The following PRDM16 variants were observed in gnomAD, a reference collection of about 807,000 sequenced individuals.
PRDM16 encodes the protein PR/SET domain 16, also known as histone-lysine N-methyltransferase PRDM16.
In PRDM16, 23 loss-of-function variants were observed where a neutral mutation model predicts 110.6. That is an observed-to-expected ratio of 0.21 (90% confidence interval 0.15 to 0.29). The LOEUF (loss-of-function observed/expected upper bound fraction) is 0.29. PRDM16 is among the 10% of genes least tolerant of loss of function. The pLI, the probability that PRDM16 is intolerant of heterozygous loss-of-function variation, is 1.00. For synonymous variants in PRDM16, 799 were observed against 781.8 expected (o/e 1.02, Z -0.37); for missense variants, 1,615 against 1,794.3 (o/e 0.90, Z 1.81).
intron 3 of PRDM16, among the ~76,000 whole-genome samples, chr1:3,341,646 G>A (rs1642274777): frequency 6.6e-6 from 1 of 152,232 alleles, no homozygotes; most frequent in Admixed American, 6.5e-5. Flanking sequence ...GTGGAGAAGT[G>A]ATCATAATAA....
intron 1 of PRDM16, among the ~76,000 whole-genome samples, chr1:3,086,243 G>T (rs574044519): frequency 6.6e-6 from 1 of 152,122 alleles, no homozygotes; most frequent in Non-Finnish European, 1.5e-5. Flanking sequence ...TGCTTGCCTG[G>T]CTGTGACAGC....
intron 1 of PRDM16, among the ~76,000 whole-genome samples, chr1:3,075,021 G>C (rs1456744402): frequency 6.6e-6 from 1 of 152,272 alleles, no homozygotes; most frequent in East Asian, 1.9e-4. Flanking sequence ...CAGGGGAGGA[G>C]TGGCCTCTCC....
At chr1:3,405,233 C>A (rs1643540296) in intron 7 of PRDM16, among the ~76,000 whole-genome samples, 1 of 152,228 alleles carries the variant, frequency 6.6e-6, no homozygotes, top group Non-Finnish European at 1.5e-5. Flanking sequence ...GCTGAAAACG[C>A]TTTCTGCAGC....
intron 2 of PRDM16, among the ~76,000 whole-genome samples, chr1:3,220,144 G>T (rs893992190): frequency 1.2e-4 from 19 of 152,090 alleles, no homozygotes; most frequent in Non-Finnish European, 2.4e-4. Context: ...GCCCACACGC[G>T]CCGGGAGGAA....
rs1016384308 is a variant in PRDM16, at chr1:3,386,239, A to G, written c.573+953A>G. On this transcript the variant is annotated intron_variant, in intron 4 of 16. Coordinates refer to ENST00000270722, the MANE Select transcript of PRDM16 (RefSeq NM_022114.4). ...GGGGTCATACATGAGATTTCATTTG[A>G]AAAAAAAGAAAAGGATCCCATGGCT... 3.0e-5 allele frequency among the ~76,000 whole-genome samples: 4 copies of G among 131,806 alleles called. No individual in the cohort carries two copies. The East Asian group carries it at 1.3e-3, about 41-fold the overall frequency. The allele number at this position is 131,806 out of a possible 152,430, so 86.5% of individuals were successfully genotyped here.
At chr1:3,278,977 G>T (rs72632145) in intron 3 of PRDM16, among the ~76,000 whole-genome samples, 4,061 of 152,330 alleles carry the variant, frequency 0.027, 67 homozygotes, top group Middle Eastern at 0.075. Context: ...GCCGAGCGCG[G>T]CGCTGGCCGT....
chr1:3,160,452 G>A (rs566342218), intron 1 of PRDM16, among the ~76,000 whole-genome samples: 26 of 152,296 alleles, frequency 1.7e-4, no homozygotes, highest in African/African-American at 5.5e-4. Context: ...GGGTGCCACC[G>A]TGACATTGTG....
At chr1:3,405,341 A>G (rs560577830) in intron 7 of PRDM16, among the ~76,000 whole-genome samples, 154 bp from the exon 8 acceptor site, 47 of 152,286 alleles carry the variant, frequency 3.1e-4, no homozygotes, top group African/African-American at 1.1e-3. Flanking sequence ...TCCTTGCTAC[A>G]CAGAGACCTG....
intron 1 of PRDM16, among the ~76,000 whole-genome samples, chr1:3,105,280 C>A (rs1642627801): frequency 6.6e-6 from 1 of 152,214 alleles, no homozygotes; most frequent in African/African-American, 2.4e-5. Flanking sequence ...CCCAGCCCGG[C>A]CTGGTCACAG....
At chr1:3,073,984 G>A (rs541703629) in intron 1 of PRDM16, among the ~76,000 whole-genome samples, 1 of 152,308 alleles carries the variant, frequency 6.6e-6, no homozygotes, top group East Asian at 1.9e-4. Context: ...CCCGCGCCCC[G>A]AGAGACGCGG....
chr1:3,092,642 AG>A (rs1642303883), intron 1 of PRDM16, among the ~76,000 whole-genome samples: 1 of 152,100 alleles, frequency 6.6e-6, no homozygotes, highest in Admixed American at 6.5e-5. Context: ...GGCTCTGTGG[AG>A]GGGTCTGCAC....
In PRDM16 at chr1:3,390,023, G is replaced by A. The variant is rs1405978208; in HGVS notation, c.573+4737G>A. On this transcript the variant is annotated intron_variant, in intron 4 of 16. Coordinates refer to ENST00000270722, the MANE Select transcript of PRDM16 (RefSeq NM_022114.4). This position sits in a 1 kb window ranked among gnomAD's most constrained non-coding sequence, Gnocchi z 5.0. ...TTCAAGACACTCAGATCACCCCTGG[G>A]TGGTTCTTTCTCCTGTAATTATGAA... Among the ~76,000 whole-genome samples the A allele has an allele frequency of 6.8e-6, 1 of 146,986 alleles. No homozygotes were observed. Among genetic ancestry groups the A allele is most frequent in the Admixed American group, 6.9e-5 (1 of 14,428 alleles).
chr1:3,319,828 C>G (rs553884030), intron 3 of PRDM16, among the ~76,000 whole-genome samples: 1 of 152,200 alleles, frequency 6.6e-6, no homozygotes, highest in Non-Finnish European at 1.5e-5. Flanking sequence ...TGGCTTTAGC[C>G]GGCTTCCCCA....
chr1:3,292,651 G>A (rs1355574646), intron 3 of PRDM16, among the ~76,000 whole-genome samples: 4 of 152,230 alleles, frequency 2.6e-5, no homozygotes, highest in African/African-American at 9.6e-5. Flanking sequence ...CTGAAGGGAA[G>A]GGCCAGATAG....
Position 3,411,771 on chromosome 1 carries a change from G to A in PRDM16, c.1574G>A (p.Arg525Gln), listed in dbSNP as rs373011563. The change falls in exon 9 of 17, where the codon CGG becomes CAG. Residue 525 changes from arginine (R) to glutamine (Q), a missense_variant. Transcript: ENST00000270722. ...PGIFPPSLYP[R>Q]PPLLPPTSLL... ...ATCTTCCCTCCATCCTTGTACCCCC[G>A]GCCGCCTCTGCTACCTCCCACATCG... The A allele has an allele frequency of 1.3e-4, 202 of 1,611,412 alleles. No individual in the cohort carries two copies. Among genetic ancestry groups the A allele is most frequent in the East Asian group, 2.2e-4 (10 of 44,850 alleles).
At chr1:3,404,569 C>T (rs747616921) in intron 6 of PRDM16, among the ~76,000 whole-genome samples, 170 bp from the exon 7 acceptor site, 4 of 152,190 alleles carry the variant, frequency 2.6e-5, no homozygotes, top group Non-Finnish European at 5.9e-5. Flanking sequence ...CCTCACAGCC[C>T]GGCCACGGCA....
At chr1:3,071,791 C>T (rs1031935686) in intron 1 of PRDM16, among the ~76,000 whole-genome samples, 13 of 152,132 alleles carry the variant, frequency 8.5e-5, no homozygotes, top group Non-Finnish European at 1.8e-4. Flanking sequence ...TCAGGCTGGG[C>T]ACAGAACAGC....
chr1:3,409,267 G>A (rs1308865235), intron 8 of PRDM16, among the ~76,000 whole-genome samples: 4 of 152,010 alleles, frequency 2.6e-5, no homozygotes, highest in Non-Finnish European at 5.9e-5. Flanking sequence ...GGGTGTGCTT[G>A]TTTGGCCGGC....
chr1:3,318,515 GATT>G (rs1314113288), intron 3 of PRDM16, among the ~76,000 whole-genome samples: 1 of 152,004 alleles, frequency 6.6e-6, no homozygotes, highest in African/African-American at 2.4e-5. Flanking sequence ...ATTGATTGTT[GATT>G]ATCTATCAAT....
Sources: allele counts gnomAD v4.1 joint callset (sites outside exome capture counted in the v4.1 genomes callset), GRCh38; gene constraint gnomAD v4.1.1; non-coding constraint Gnocchi (gnomAD v3.1); transcripts MANE v1.5; gene names NCBI Gene and HGNC (gene_info 2026-07-23, HGNC 2026-07-21).